Variants in SHISA9 observed in about 807,000 individuals in gnomAD.
SHISA9 encodes the protein protein shisa-9.
A neutral mutation model predicts 38.0 loss-of-function variants in SHISA9; 13 were observed. The ratio of observed to expected loss-of-function variants is 0.34; its 90% CI spans 0.22 to 0.54. The LOEUF is 0.54. SHISA9 is among the 20% of genes least tolerant of loss of function. The probability of loss-of-function intolerance (pLI) is 0.91; values close to 1 mark genes in which losing one functional copy is unlikely to be tolerated. For synonymous variants in SHISA9, 275 were observed against 242.0 expected (o/e 1.14, Z -1.27); for missense variants, 538 against 575.8 (o/e 0.93, Z 0.67).
At chr16:13,080,857 C>T (rs769076888) in intron 2 of SHISA9, among the ~76,000 whole-genome samples, 10 of 152,146 alleles carry the variant, frequency 6.6e-5, no homozygotes, top group Admixed American at 2.0e-4. Context: ...ACTGGGAAGT[C>T]GAAGGACGAA....
At chr16:13,010,809 G>T (rs1004974862) in intron 2 of SHISA9, among the ~76,000 whole-genome samples, 1 of 152,046 alleles carries the variant, frequency 6.6e-6, no homozygotes, top group African/African-American at 2.4e-5. Context: ...AAAATCAGCC[G>T]GGCATGGTGG....
chr16:13,425,974 T>C, the SHISA9 span, among the ~76,000 whole-genome samples: 9 of 152,318 alleles, frequency 5.9e-5, no homozygotes, highest in East Asian at 1.7e-3. Context: ...CTTTGCTTCC[T>C]ATCAGTCATT....
the SHISA9 span, among the ~76,000 whole-genome samples, chr16:13,408,723 C>A: frequency 6.6e-6 from 1 of 152,160 alleles, no homozygotes; most frequent in Non-Finnish European, 1.5e-5. Flanking sequence ...ACATTTCAAA[C>A]CTGTTTTCTC....
chr16:13,530,562 T>A, the SHISA9 span, among the ~76,000 whole-genome samples: 1 of 152,174 alleles, frequency 6.6e-6, no homozygotes, highest in African/African-American at 2.4e-5. Context: ...ACAATAAGTA[T>A]GATGGCATCC....
chr16:13,284,298 G>C, the SHISA9 span, among the ~76,000 whole-genome samples: 1 of 152,140 alleles, frequency 6.6e-6, no homozygotes, highest in African/African-American at 2.4e-5. Flanking sequence ...AAACCTGTTG[G>C]CTTCCATATT....
At chr16:13,367,712 G>GCGCGCACACACACACACACA in the SHISA9 span, among the ~76,000 whole-genome samples, 2 of 104,640 alleles carry the variant, frequency 1.9e-5, no homozygotes, top group Non-Finnish European at 3.9e-5. Flanking sequence ...GCGCGCGCGC[G>GCGCGCACACACACACACACA]CACACACACA....
Position 13,087,061 on chromosome 16 carries a change from G to C in SHISA9, c.692-116333G>C, listed in dbSNP as rs555386623. 2.0e-5 allele frequency among the ~76,000 whole-genome samples: 3 copies of C among 150,534 alleles called. No homozygotes were observed. In the South Asian group the frequency reaches 6.4e-4, roughly 32 times the overall value. ...TCCCACCTATGAGTGAGAACATGCG[G>C]TGTTTGGTTTTCTGTCCTTGTGATA... On this transcript the variant is annotated intron_variant, in intron 2 of 4. Coordinates refer to ENST00000558583, the MANE Select transcript of SHISA9 (RefSeq NM_001145204.3).
intron 2 of SHISA9, among the ~76,000 whole-genome samples, chr16:12,999,705 G>A (rs956989240): frequency 6.6e-6 from 1 of 152,302 alleles, no homozygotes; most frequent in African/African-American, 2.4e-5. Context: ...ACCAGGGTGA[G>A]TTTATGGTGA....
At chr16:12,977,954 G>A (rs140150568) in intron 2 of SHISA9, among the ~76,000 whole-genome samples, 1,626 of 151,836 alleles carry the variant, frequency 0.011, 19 homozygotes, top group Admixed American at 0.02. Flanking sequence ...TGCACATCCC[G>A]CACATGTACC....
chr16:13,102,393 T>C (rs1192900583), intron 2 of SHISA9, among the ~76,000 whole-genome samples: 1 of 152,102 alleles, frequency 6.6e-6, no homozygotes. Context: ...GTTCCAGAGG[T>C]TGACTTTCTT....
chr16:13,269,162 A>T, the SHISA9 span, among the ~76,000 whole-genome samples: 1 of 152,206 alleles, frequency 6.6e-6, no homozygotes, highest in African/African-American at 2.4e-5. Context: ...GAGAGAGAAT[A>T]AGCTTGTCAA....
the SHISA9 span, chr16:13,331,300 G>C: frequency 1.3e-5 from 2 of 151,648 alleles, no homozygotes; most frequent in Admixed American, 6.6e-5. Flanking sequence ...GGTTAACATA[G>C]GACAAAAAAA....
At chr16:13,168,860 A>AG (rs2050660764) in intron 2 of SHISA9, among the ~76,000 whole-genome samples, 1 of 152,238 alleles carries the variant, frequency 6.6e-6, no homozygotes, top group African/African-American at 2.4e-5. Flanking sequence ...TACCTCTAAG[A>AG]GTAGGCATCA....
chr16:13,206,911 C>A (rs1394310122), intron 3 of SHISA9, among the ~76,000 whole-genome samples: 1 of 152,236 alleles, frequency 6.6e-6, no homozygotes, highest in Non-Finnish European at 1.5e-5. Context: ...GCAAGAGTCA[C>A]GGCATCTTTG....
the SHISA9 span, among the ~76,000 whole-genome samples, chr16:13,520,370 C>A: frequency 1.3e-5 from 2 of 151,742 alleles, no homozygotes; most frequent in East Asian, 3.9e-4. Context: ...GAGGCCAAGG[C>A]GGGCAGATCA....
chr16:13,111,643 A>G (rs1198612540), intron 2 of SHISA9, among the ~76,000 whole-genome samples: 1 of 152,230 alleles, frequency 6.6e-6, no homozygotes, highest in Non-Finnish European at 1.5e-5. Flanking sequence ...TATTATTAAG[A>G]TAATTTTCTT....
At chr16:13,445,256 C>G in the SHISA9 span, among the ~76,000 whole-genome samples, 1 of 152,090 alleles carries the variant, frequency 6.6e-6, no homozygotes, top group African/African-American at 2.4e-5. Context: ...CCCACAGAGT[C>G]TTGTGGATCC....
chr16:13,250,068 C>G, the SHISA9 span, among the ~76,000 whole-genome samples: 8 of 152,274 alleles, frequency 5.3e-5, no homozygotes, highest in East Asian at 1.2e-3. Context: ...TTCTCTGACC[C>G]TCACCACTTC....
At chr16:13,083,962 T>G (rs1274720389) in intron 2 of SHISA9, among the ~76,000 whole-genome samples, 2 of 152,058 alleles carry the variant, frequency 1.3e-5, no homozygotes, top group Non-Finnish European at 2.9e-5. Flanking sequence ...TTAACTCTAG[T>G]TTATAGACCG....
Sources: allele counts gnomAD v4.1 joint callset (sites outside exome capture counted in the v4.1 genomes callset), GRCh38; gene constraint gnomAD v4.1.1; transcripts MANE v1.5; gene names NCBI Gene and HGNC (gene_info 2026-07-23, HGNC 2026-07-21).